Variants in HELQ observed in about 807,000 individuals in gnomAD.
HELQ encodes the protein helicase, POLQ like.
Under a neutral mutation model 111.6 loss-of-function variants are expected in HELQ, and 77 were observed. That is an observed-to-expected ratio of 0.69 (90% CI 0.57 to 0.83). The LOEUF (loss-of-function observed/expected upper bound fraction) is 0.83, where lower values mean the gene tolerates loss of function less well. Among genes scored for constraint, HELQ ranks in the 40% least tolerant of loss-of-function variants. The pLI, the probability that HELQ is intolerant of heterozygous loss-of-function variation, is 0.00. For missense variants in HELQ, 1,200 were observed against 1,288.5 expected (o/e 0.93, Z 1.05); for synonymous variants, 438 against 454.7 (o/e 0.96, Z 0.47).
chr4:83,443,486 A>C (rs1720883039), intron 6 of HELQ, 31 bp downstream of exon 6: 2 of 1,010,284 alleles, frequency 2.0e-6, no homozygotes, highest in Non-Finnish European at 1.5e-6. Flanking sequence ...ATACGAAACA[A>C]ATCAATACAG....
chr4:83,418,282 T>A lies in HELQ; in HGVS notation c.2950-76A>T, dbSNP rs987789592. The A allele has an allele frequency of 6.9e-6, 5 of 721,542 alleles. No individual in the cohort carries two copies. In the African/African-American group the frequency reaches 7.3e-5, roughly 11 times the overall value. The allele number at this position is 721,542 out of a possible 1,614,324, so 44.7% of individuals were successfully genotyped here. On this transcript the variant is annotated intron_variant, in intron 15 of 17. Coordinates refer to ENST00000295488, the MANE Select transcript of HELQ (RefSeq NM_133636.5). ...AAGTTTGGTTTGTGTGATAGGGGGCTCAGAGAGAATGTTCCTTACATAAGT... is the reference window on the plus strand; with the variant it reads ...AAGTTTGGTTTGTGTGATAGGGGGCACAGAGAGAATGTTCCTTACATAAGT...
chr4:83,455,551 GCCA>G lies in HELQ; in HGVS notation c.140_142del (p.Val47del), dbSNP rs1560564378. 1 of 1,613,734 alleles carries G rather than the reference GCCA, an allele frequency of 6.2e-7. No individual in the cohort carries two copies. Among genetic ancestry groups the G allele is most frequent in the Admixed American group, 1.7e-5 (1 of 60,028 alleles). On this transcript the variant is annotated inframe_deletion, in exon 1 of 18. Transcript: ENST00000295488. ...CGCGGTTTTCCGCCTCCTGTTCTCAGCCACCATTTCCTCCTCCTCTTTCCCCTC... is the reference window on the plus strand; with the variant it reads ...CGCGGTTTTCCGCCTCCTGTTCTCAGCCATTTCCTCCTCCTCTTTCCCCTC...
intron 8 of HELQ, among the ~76,000 whole-genome samples, chr4:83,438,986 T>A (rs1286133407): frequency 6.6e-6 from 1 of 152,136 alleles, no homozygotes; most frequent in Non-Finnish European, 1.5e-5. Context: ...CCAAGATGAT[T>A]CACTATGCAC....
chr4:83,455,819 C>G lies in HELQ; in HGVS notation c.-126G>C, dbSNP rs1721766216. On this transcript the variant is annotated 5_prime_UTR_variant, in exon 1 of 18. Transcript: ENST00000295488. The stretch of plus-strand genomic sequence containing the variant: ...ACCTTGGGAAAAGACCCCAAGTTAG[C>G]TCTCAGGGCTCGCGGACCGGAAGCA... The G allele has an allele frequency of 1.0e-6, 1 of 959,088 alleles. No individual in the cohort carries two copies. Among genetic ancestry groups the G allele is most frequent in the Non-Finnish European group, 1.6e-6 (1 of 637,384 alleles). 59.4% of individuals were successfully genotyped at this position (959,088 alleles called of 1,614,324 possible).
chr4:83,427,571 A>G lies in HELQ; in HGVS notation c.2668T>C (p.Phe890Leu), dbSNP rs760711328. ...AAACGTTATATTCTCACCTGCCTGA[A>G]GTATATCATCCAATCAGGGTTACAC... ...SQCNPDWMIY[F>L]RQFSQLSPAE... The change falls in exon 13 of 18, where the codon TTC becomes CTC. Residue 890 changes from phenylalanine (F) to leucine (L), a missense_variant. Transcript: ENST00000295488. 31 of 1,552,700 alleles carry G rather than the reference A, an allele frequency of 2.0e-5. No homozygotes were observed. The highest frequency in any genetic ancestry group is 2.7e-5 in the Non-Finnish European group (31 of 1,155,536).
At position 83,455,760 on chromosome 4, in the gene HELQ, G is replaced by A. The variant is rs895240626; in HGVS notation, c.-67C>T. 1.4e-6 allele frequency: 2 copies of A among 1,461,238 alleles called. No individual in the cohort carries two copies. Among genetic ancestry groups the A allele is most frequent in the Non-Finnish European group, 9.3e-7 (1 of 1,075,006 alleles). 90.5% of individuals were successfully genotyped at this position (1,461,238 alleles called of 1,614,324 possible). ...CCCAGACGCTAAGCCCATATGGAAG[G>A]GAGAGTGGGACGCCGGAGCCCGCTT... On this transcript the variant is annotated 5_prime_UTR_variant, in exon 1 of 18. Coordinates refer to ENST00000295488, the MANE Select transcript of HELQ (RefSeq NM_133636.5).
intron 8 of HELQ, among the ~76,000 whole-genome samples, chr4:83,438,548 C>A (rs949569921): frequency 2.6e-5 from 4 of 151,924 alleles, no homozygotes; most frequent in Non-Finnish European, 5.9e-5. Flanking sequence ...CGAAACCAGC[C>A]TGGGCAACAT....
At chr4:83,417,629 A>C (rs1466219596) in intron 16 of HELQ, among the ~76,000 whole-genome samples, 1 of 152,178 alleles carries the variant, frequency 6.6e-6, no homozygotes, top group Non-Finnish European at 1.5e-5. Flanking sequence ...AATAAACTGA[A>C]GTTGAGGGTT....
Position 83,429,662 on chromosome 4 carries a change from T to G in HELQ, c.2380A>C (p.Ser794Arg), listed in dbSNP as rs369448607. 1.2e-6 allele frequency: 2 copies of G among 1,613,182 alleles called. No individual in the cohort carries two copies. Among genetic ancestry groups the G allele is most frequent in the Non-Finnish European group, 1.7e-6 (2 of 1,179,386 alleles). ...VQQKVLLKEK[S>R]LWEITVESLR... The stretch of plus-strand genomic sequence containing the variant: ...GATTCAACAGTTATTTCCCAGAGAC[T>G]TTTTTCTTTCAATAAAACCTTTTGC... The change falls in exon 12 of 18, where the codon AGT (serine) becomes CGT (arginine). Residue 794 changes from serine (S) to arginine (R), a missense_variant. Ser to Arg is a moderately radical substitution (Grantham distance 110, BLOSUM62 -1). This residue lies in a region of HELQ where 585 missense variants were observed against 665.3 expected (regional missense o/e 0.88). Transcript: ENST00000295488.
At chr4:83,444,495 C>G (rs1459131309) in intron 5 of HELQ, among the ~76,000 whole-genome samples, 1 of 151,996 alleles carries the variant, frequency 6.6e-6, no homozygotes, top group Non-Finnish European at 1.5e-5. Context: ...GTTCTCCTTG[C>G]CCCAACCTCC....
chr4:83,408,312 C>T (rs949505235), intron 17 of HELQ, among the ~76,000 whole-genome samples: 28 of 151,854 alleles, frequency 1.8e-4, no homozygotes, highest in African/African-American at 6.5e-4. Context: ...AGCACGGTGG[C>T]GTGATCTCAG....
chr4:83,420,913 G>T (rs1273527950), intron 15 of HELQ, among the ~76,000 whole-genome samples: 1 of 152,078 alleles, frequency 6.6e-6, no homozygotes. Context: ...ACTCCAGCCT[G>T]GGCGTCAGAG....
Position 83,431,649 on chromosome 4 carries a change from A to C in HELQ, c.2295+15T>G, listed in dbSNP as rs776240418. 3 of 1,431,728 alleles carry C rather than the reference A, an allele frequency of 2.1e-6. No individual in the cohort carries two copies. In the Admixed American group the frequency reaches 5.9e-5, roughly 28 times the overall value. 88.7% of individuals were successfully genotyped at this position (1,431,728 alleles called of 1,614,324 possible). ...TCAGATAACAGTAATAAGATAAAAA[A>C]TTTAAGAAAAATACCTTCAAACCAA... On this transcript the variant is annotated intron_variant, in intron 11 of 17. Coordinates refer to ENST00000295488, the MANE Select transcript of HELQ (RefSeq NM_133636.5).
chr4:83,427,420 C>A, intron 13 of HELQ, 143 bp downstream of exon 13: 1 of 512,950 alleles, frequency 1.9e-6, no homozygotes, highest in Non-Finnish European at 3.3e-6. Context: ...TTTGGGAGGA[C>A]AATGTGGGAA....
chr4:83,435,876 T>C (rs1720426804), intron 9 of HELQ, among the ~76,000 whole-genome samples: 1 of 151,976 alleles, frequency 6.6e-6, no homozygotes, highest in Admixed American at 6.6e-5. Context: ...AAACAGGATA[T>C]ATAACTTTCA....
intron 5 of HELQ, 43 bp downstream of exon 5, chr4:83,445,971 T>A (rs781036051): frequency 8.1e-7 from 1 of 1,228,040 alleles, no homozygotes; most frequent in Non-Finnish European, 1.2e-6. Context: ...ATAAGTCTCT[T>A]GATTATAAAT....
rs200149165 is a variant in HELQ at position 83,409,070 on chromosome 4, TAAAC to T, written c.3199-1514_3199-1511del. Among the ~76,000 whole-genome samples, 65 of 151,940 alleles carry T rather than the reference TAAAC, an allele frequency of 4.3e-4. 1 individual carries two copies. The East Asian group carries it at 9.5e-3, about 22-fold the overall frequency. On this transcript the variant is annotated intron_variant, in intron 17 of 17. Coordinates refer to ENST00000295488, the MANE Select transcript of HELQ (RefSeq NM_133636.5). The stretch of plus-strand genomic sequence containing the variant: ...ACAATCTTGTAGGGCAAAAGGAAAT[TAAAC>T]AAACAAACAAACAAACTTGCATTCC...
chr4:83,439,680 G>A (rs570296113), intron 8 of HELQ, among the ~76,000 whole-genome samples, 183 bp downstream of exon 8: 6 of 152,234 alleles, frequency 3.9e-5, no homozygotes, highest in Admixed American at 1.3e-4. Context: ...TGTTTCTCTG[G>A]CTATTTCACA....
At chr4:83,445,666 T>C (rs1721011395) in intron 5 of HELQ, among the ~76,000 whole-genome samples, 1 of 152,226 alleles carries the variant, frequency 6.6e-6, no homozygotes, top group Non-Finnish European at 1.5e-5. Context: ...CTGAATGCAG[T>C]GTGCTAAGCA....
Sources: gnomAD v4.1 joint callset for allele counts (sites outside exome capture counted in the v4.1 genomes callset) on GRCh38, gnomAD v4.1.1 for gene constraint, gnomAD v4.1.1 regional missense constraint, MANE v1.5 for transcripts, NCBI Gene and HGNC (gene_info 2026-07-23, HGNC 2026-07-21) for gene names.